TINAG: variants seen among roughly 807,000 people sequenced by gnomAD.
TINAG encodes the protein tubulointerstitial nephritis antigen.
In TINAG, 83 loss-of-function variants were observed where a neutral mutation model predicts 72.7. That is an observed-to-expected ratio of 1.14 (90% CI 0.96 to 1.37). The LOEUF (loss-of-function observed/expected upper bound fraction) is 1.37, where lower values mean the gene tolerates loss of function less well. Ranked by LOEUF, TINAG falls within the 40% of genes most tolerant of loss-of-function variation. The pLI, the probability that TINAG is intolerant of heterozygous loss-of-function variation, is 0.00. For synonymous variants in TINAG, 234 were observed against 189.9 expected, an observed-to-expected ratio of 1.23 and a Z score of -1.91; for missense variants, 685 against 576.6, an observed-to-expected ratio of 1.19 and a Z score of -1.93.
At chr6:54,376,187 T>G (rs1486797256) in intron 9 of TINAG, among the ~76,000 whole-genome samples, 1 of 152,198 alleles carries the variant, frequency 6.6e-6, no homozygotes, top group African/African-American at 2.4e-5. Flanking sequence ...TTTTCATGTG[T>G]TAACTTGTAG....
intron 4 of TINAG, among the ~76,000 whole-genome samples, chr6:54,329,658 A>G (rs1562154091): frequency 6.6e-6 from 1 of 152,222 alleles, no homozygotes; most frequent in Non-Finnish European, 1.5e-5. Flanking sequence ...AAATTCCCCC[A>G]ATTAAAAGAC....
chr6:54,357,549 A>G (rs770419832), intron 9 of TINAG, among the ~76,000 whole-genome samples: 4 of 151,902 alleles, frequency 2.6e-5, no homozygotes, highest in African/African-American at 4.8e-5. Flanking sequence ...AATCTTTTCT[A>G]TCTTAATTAA....
At chr6:54,320,501 A>G (rs1582698348) in intron 1 of TINAG, 78 bp from the exon 2 acceptor site, 8 of 1,211,454 alleles carry the variant, frequency 6.6e-6, no homozygotes, top group African/African-American at 4.5e-5. Context: ...GCTAACTATG[A>G]TTTTTGATTA....
intron 4 of TINAG, among the ~76,000 whole-genome samples, chr6:54,330,403 C>G (rs1460801265): frequency 6.6e-6 from 1 of 152,078 alleles, no homozygotes; most frequent in Non-Finnish European, 1.5e-5. Context: ...TTCTTTGAAA[C>G]AAATGAGAAC....
intron 3 of TINAG, among the ~76,000 whole-genome samples, chr6:54,326,350 A>G (rs546366680): frequency 6.6e-6 from 1 of 151,928 alleles, no homozygotes; most frequent in South Asian, 2.1e-4. Context: ...TTTAAAAATT[A>G]TACCTATTTT....
At chr6:54,327,134 C>A (rs1441113685) in intron 4 of TINAG, 1 of 1,549,012 alleles carries the variant, frequency 6.5e-7, no homozygotes, top group South Asian at 1.2e-5. Context: ...GACATAGTCT[C>A]CTTTAGGAAT....
At chr6:54,339,093 A>T (rs1011945848) in intron 4 of TINAG, among the ~76,000 whole-genome samples, 2 of 152,084 alleles carry the variant, frequency 1.3e-5, no homozygotes, top group African/African-American at 4.8e-5. Context: ...GCTTTCTTAC[A>T]TTTGTTGATG....
chr6:54,371,332 C>G (rs891341995), intron 9 of TINAG, among the ~76,000 whole-genome samples: 8 of 152,018 alleles, frequency 5.3e-5, no homozygotes, highest in African/African-American at 1.9e-4. Flanking sequence ...ATCTATTCCA[C>G]TGGGATAATA....
At chr6:54,336,839 A>C (rs1784875210) in intron 4 of TINAG, among the ~76,000 whole-genome samples, 1 of 152,144 alleles carries the variant, frequency 6.6e-6, no homozygotes. Flanking sequence ...ATTTAATATC[A>C]GATTGCGGTA....
At chr6:54,344,662 A>G (rs948217985) in intron 5 of TINAG, among the ~76,000 whole-genome samples, 1 of 152,140 alleles carries the variant, frequency 6.6e-6, no homozygotes, top group African/African-American at 2.4e-5. Flanking sequence ...GAAATACTGA[A>G]AGCAACTTGC....
intron 9 of TINAG, among the ~76,000 whole-genome samples, chr6:54,367,614 G>A (rs943718684): frequency 5.9e-5 from 9 of 151,716 alleles, no homozygotes; most frequent in Non-Finnish European, 1.0e-4. Flanking sequence ...AATTAAAGGC[G>A]AACGTGTTAA....
In TINAG at chr6:54,365,090, A is replaced by G. The variant is rs1265894175; in HGVS notation, c.1250+10454A>G. Among the ~76,000 whole-genome samples, 6 of 151,698 alleles carry G rather than the reference A, an allele frequency of 4.0e-5. No individual in the cohort carries two copies. In the South Asian group the frequency reaches 6.2e-4, roughly 16 times the overall value. Reference sequence around the variant, plus strand: ...TGTTTAACCTCTGGCAAATTGATCAATTCAGAGCAGATGTTTTAATTAGAG... The same window carrying G: ...TGTTTAACCTCTGGCAAATTGATCAGTTCAGAGCAGATGTTTTAATTAGAG... On this transcript the variant is annotated intron_variant, in intron 9 of 10. Coordinates refer to ENST00000259782, the MANE Select transcript of TINAG (RefSeq NM_014464.4).
At chr6:54,358,723 C>G (rs1338513838) in intron 9 of TINAG, among the ~76,000 whole-genome samples, 4 of 151,774 alleles carry the variant, frequency 2.6e-5, no homozygotes, top group African/African-American at 7.3e-5. Flanking sequence ...CTTACTACTA[C>G]TCTTTGCCTT....
At chr6:54,330,204 T>G (rs1784705063) in intron 4 of TINAG, among the ~76,000 whole-genome samples, 1 of 152,112 alleles carries the variant, frequency 6.6e-6, no homozygotes. Flanking sequence ...ATTCTAAAAT[T>G]GAACACATAA....
At chr6:54,326,176 GTC>G (rs1430994467) in intron 3 of TINAG, among the ~76,000 whole-genome samples, 2 of 151,692 alleles carry the variant, frequency 1.3e-5, no homozygotes, top group East Asian at 1.9e-4. Context: ...CACAAAATAT[GTC>G]TCTACAAAAA....
upstream of TINAG, chr6:54,308,079 T>A (rs907162248): frequency 6.5e-7 from 1 of 1,549,932 alleles, no homozygotes; most frequent in Non-Finnish European, 8.7e-7. Context: ...AGAGCCTGGA[T>A]GTTCGTTTCA....
intron 9 of TINAG, among the ~76,000 whole-genome samples, chr6:54,367,586 G>A (rs190669567): frequency 6.6e-6 from 1 of 151,736 alleles, no homozygotes; most frequent in South Asian, 2.1e-4. Flanking sequence ...GTGAAAACTG[G>A]AGTAGAAAAT....
chr6:54,349,782 G>C lies in TINAG; in HGVS notation c.966G>C (p.Met322Ile). The C allele has an allele frequency of 6.2e-7, 1 of 1,606,264 alleles. No homozygotes were observed. The highest frequency in any genetic ancestry group is 8.5e-7 in the Non-Finnish European group (1 of 1,175,214). The change falls in exon 7 of 11, where the codon ATG (methionine) becomes ATC (isoleucine). Residue 322 changes from methionine (M) to isoleucine (I), a missense_variant. Physicochemically the swap from Met to Ile is conservative, Grantham distance 10. Coordinates refer to ENST00000259782, the MANE Select transcript of TINAG (RefSeq NM_014464.4). ...DQNATNNGCAMASRSDGRGKR... is the reference protein window; with the variant it reads ...DQNATNNGCAIASRSDGRGKR... The stretch of plus-strand genomic sequence containing the variant: ...ATGCTACCAACAATGGATGTGCCAT[G>C]GCAAGCAGGTCTGATGGGCGAGGAA...
chr6:54,343,351 T>C lies in TINAG; in HGVS notation c.748+2T>C. On this transcript the variant is annotated splice_donor_variant, in intron 5 of 10. Coordinates refer to ENST00000259782, the MANE Select transcript of TINAG (RefSeq NM_014464.4). LOFTEE classifies it high-confidence loss of function. ...CATCCTGGGCATTTTCCACTGCAAG[T>C]AATAAAGTCATTTTAATTCCTTCCT... is the stretch of plus-strand genomic sequence containing the variant. 6.6e-7 allele frequency: 1 copy of C among 1,522,866 alleles called. No homozygotes were observed. Among genetic ancestry groups the C allele is most frequent in the Non-Finnish European group, 8.8e-7 (1 of 1,132,110 alleles). The allele number at this position is 1,522,866 out of a possible 1,614,324, so 94.3% of individuals were successfully genotyped here. A position where few individuals can be genotyped will look rare whatever the true frequency, so the allele number is the denominator to read the frequency against.
Sources: allele counts gnomAD v4.1 joint callset (sites outside exome capture counted in the v4.1 genomes callset), GRCh38; gene constraint gnomAD v4.1.1; transcripts MANE v1.5; gene names NCBI Gene and HGNC (gene_info 2026-07-23, HGNC 2026-07-21).